The following ADAMTS18 variants were observed in gnomAD, a reference collection of about 807,000 sequenced individuals.
The protein encoded by ADAMTS18 is ADAM metallopeptidase with thrombospondin type 1 motif 18, also known as A disintegrin and metalloproteinase with thrombospondin motifs 18.
In ADAMTS18, 157 loss-of-function variants were observed where a neutral mutation model predicts 165.9. That is an observed-to-expected ratio of 0.95 (90% confidence interval 0.83 to 1.08). The LOEUF is 1.08. ADAMTS18 is among the 50% of genes least tolerant of loss of function. The pLI is 0.00. For synonymous variants in ADAMTS18, 782 were observed against 578.2 expected, an observed-to-expected ratio of 1.35 and a Z score of -5.06; for missense variants, 2,040 against 1,534.0, an observed-to-expected ratio of 1.33 and a Z score of -5.51.
intron 3 of ADAMTS18, among the ~76,000 whole-genome samples, chr16:77,384,049 C>A (rs1450367567): frequency 6.7e-6 from 1 of 148,968 alleles, no homozygotes; most frequent in Non-Finnish European, 1.5e-5. Context: ...CTCCTATTAG[C>A]TCCTTAAAGG....
intron 9 of ADAMTS18, among the ~76,000 whole-genome samples, chr16:77,355,314 G>T (rs1052148618): frequency 2.0e-5 from 3 of 151,356 alleles, no homozygotes; most frequent in African/African-American, 7.3e-5. Context: ...TGCAACTTAA[G>T]GTTTCTGTGT....
chr16:77,362,737 T>A (rs190923057), intron 6 of ADAMTS18, among the ~76,000 whole-genome samples: 2 of 152,330 alleles, frequency 1.3e-5, no homozygotes, highest in East Asian at 1.9e-4. Flanking sequence ...AATGATGATA[T>A]GATTCCAAAG....
chr16:77,314,859 G>A (rs1450263637), intron 16 of ADAMTS18, among the ~76,000 whole-genome samples: 2 of 139,798 alleles, frequency 1.4e-5, no homozygotes, highest in African/African-American at 5.4e-5. Flanking sequence ...GTATTTTGTA[G>A]GCACTGAACT....
At chr16:77,424,390 C>T (rs532758774) in intron 3 of ADAMTS18, among the ~76,000 whole-genome samples, 72 of 152,180 alleles carry the variant, frequency 4.7e-4, no homozygotes, top group African/African-American at 1.6e-3. Flanking sequence ...ATTGCTCGAA[C>T]CCGTGAGGCA....
chr16:77,397,749 T>C (rs74025999), intron 3 of ADAMTS18, among the ~76,000 whole-genome samples: 6,196 of 152,276 alleles, frequency 0.041, 396 homozygotes, highest in African/African-American at 0.14. Context: ...ACATTAAACA[T>C]TGGAAGATTT....
At chr16:77,338,859 C>A (rs2056353286) in intron 11 of ADAMTS18, among the ~76,000 whole-genome samples, 1 of 150,054 alleles carries the variant, frequency 6.7e-6, no homozygotes, top group Non-Finnish European at 1.5e-5. Context: ...GAGGCTGAGG[C>A]AGGAGAATGG....
intron 3 of ADAMTS18, among the ~76,000 whole-genome samples, chr16:77,389,256 G>C (rs1402948282): frequency 6.6e-6 from 1 of 152,202 alleles, no homozygotes; most frequent in Non-Finnish European, 1.5e-5. Flanking sequence ...AGTGAGCCTT[G>C]ATGGTGCCAC....
At chr16:77,335,658 A>C in intron 12 of ADAMTS18, 98 bp downstream of exon 12, 1 of 1,443,590 alleles carries the variant, frequency 6.9e-7, no homozygotes, top group Non-Finnish European at 9.7e-7. Context: ...AATAATTAAA[A>C]ATAAAAAAAT....
chr16:77,388,898 A>G (rs945075388), intron 3 of ADAMTS18, among the ~76,000 whole-genome samples: 39 of 152,242 alleles, frequency 2.6e-4, no homozygotes, highest in African/African-American at 9.2e-4. Context: ...ACTAATGTCC[A>G]AATGGTACTT....
At chr16:77,404,358 T>C (rs2144815747) in intron 3 of ADAMTS18, among the ~76,000 whole-genome samples, 1 of 152,252 alleles carries the variant, frequency 6.6e-6, no homozygotes, top group South Asian at 2.1e-4. Context: ...AAATTAGATT[T>C]AGGGGGGAAA....
intron 12 of ADAMTS18, among the ~76,000 whole-genome samples, chr16:77,334,774 C>CTGTA (rs2056272869): frequency 9.9e-6 from 1 of 101,414 alleles, no homozygotes; most frequent in Non-Finnish European, 1.9e-5. Context: ...AGTATATATA[C>CTGTA]TATAGTATAC....
intron 16 of ADAMTS18, among the ~76,000 whole-genome samples, chr16:77,312,160 G>T (rs2055793875): frequency 6.6e-6 from 1 of 152,008 alleles, no homozygotes; most frequent in African/African-American, 2.4e-5. Flanking sequence ...GAGATAGATT[G>T]ATGAACCGGA....
chr16:77,392,795 A>C (rs1420966522), intron 3 of ADAMTS18, among the ~76,000 whole-genome samples: 2 of 152,150 alleles, frequency 1.3e-5, no homozygotes, highest in Non-Finnish European at 2.9e-5. Context: ...CAAGTGCTAA[A>C]ATTACATCTT....
intron 16 of ADAMTS18, among the ~76,000 whole-genome samples, chr16:77,313,497 A>C (rs2055823840): frequency 6.6e-6 from 1 of 152,040 alleles, no homozygotes; most frequent in African/African-American, 2.4e-5. Flanking sequence ...AAAAAAAAAA[A>C]AACTTAAATT....
chr16:77,380,778 G>A (rs568510171), intron 3 of ADAMTS18, among the ~76,000 whole-genome samples: 2 of 152,136 alleles, frequency 1.3e-5, no homozygotes, highest in East Asian at 3.9e-4. Flanking sequence ...GGGGTCAGTG[G>A]TTCCTATGCA....
At chr16:77,364,494 C>A in intron 4 of ADAMTS18, 113 bp from the exon 5 acceptor site, 2 of 1,126,128 alleles carry the variant, frequency 1.8e-6, no homozygotes, top group Non-Finnish European at 1.3e-6. Flanking sequence ...AACACACCAC[C>A]AATCCACTAA....
rs767926079 is a variant in ADAMTS18, at chr16:77,283,908, G to A, written c.*48C>T. On this transcript the variant is annotated 3_prime_UTR_variant, in exon 23 of 23. Transcript: ENST00000282849. ...TCAAAGGCAGCTGGTCTCTCTAGAG[G>A]TTGAAAGGTAAGCCCCTGGCCCTAA... 6.9e-7 allele frequency: 1 copy of A among 1,441,418 alleles called. No individual in the cohort carries two copies. Among genetic ancestry groups the A allele is most frequent in the Admixed American group, 1.7e-5 (1 of 59,632 alleles). The allele number at this position is 1,441,418 out of a possible 1,614,324, so 89.3% of individuals were successfully genotyped here. A position where few individuals can be genotyped will look rare whatever the true frequency, so the allele number is the denominator to read the frequency against.
At chr16:77,389,436 A>G (rs2057155302) in intron 3 of ADAMTS18, among the ~76,000 whole-genome samples, 1 of 152,154 alleles carries the variant, frequency 6.6e-6, no homozygotes, top group African/African-American at 2.4e-5. Flanking sequence ...TGTTACGGAA[A>G]ACTCCTCTCA....
At chr16:77,427,006 C>T (rs570482127) in intron 3 of ADAMTS18, among the ~76,000 whole-genome samples, 2 of 152,034 alleles carry the variant, frequency 1.3e-5, no homozygotes, top group Non-Finnish European at 2.9e-5. Flanking sequence ...AGAGTAAGAC[C>T]CTGTCTCTAA....
Sources: gnomAD v4.1 joint callset for allele counts (sites outside exome capture counted in the v4.1 genomes callset) on GRCh38, gnomAD v4.1.1 for gene constraint, MANE v1.5 for transcripts, NCBI Gene and HGNC (gene_info 2026-07-23, HGNC 2026-07-21) for gene names.